Variants in LRP1B observed in about 807,000 individuals in gnomAD.
LRP1B encodes low-density lipoprotein receptor-related protein 1B.
LRP1B carries 217 observed loss-of-function variants against 556.6 expected under a neutral mutation model. The observed-to-expected ratio is 0.39, with a 90% CI of 0.35 to 0.44. The LOEUF (loss-of-function observed/expected upper bound fraction) is 0.44. Ranked by LOEUF, LRP1B falls within the 20% of genes least tolerant of loss-of-function variation. The probability of loss-of-function intolerance (pLI) is 1.00; values close to 1 mark genes in which losing one functional copy is unlikely to be tolerated. For missense variants in LRP1B, 5,053 were observed against 5,620.8 expected (o/e 0.90, Z 3.23); for synonymous variants, 2,047 against 1,865.8 (o/e 1.10, Z -2.50).
chr2:141,545,151 A>G (rs1685506795), intron 2 of LRP1B, among the ~76,000 whole-genome samples: 1 of 152,226 alleles, frequency 6.6e-6, no homozygotes, highest in Non-Finnish European at 1.5e-5. Flanking sequence ...ATCAAAAGCT[A>G]TAATCCTACA....
intron 7 of LRP1B, among the ~76,000 whole-genome samples, chr2:141,140,814 G>A (rs966682217): frequency 2.6e-5 from 4 of 152,010 alleles, no homozygotes; most frequent in African/African-American, 7.3e-5. Flanking sequence ...CGAAAAAACC[G>A]CTAATCTGAT....
At chr2:140,520,966 T>C (rs1285684811) in intron 49 of LRP1B, among the ~76,000 whole-genome samples, 1 of 151,666 alleles carries the variant, frequency 6.6e-6, no homozygotes, top group Non-Finnish European at 1.5e-5. Flanking sequence ...TCCAAAGCTT[T>C]AAGACTGGTC....
At chr2:141,087,711 A>G (rs1700080216) in intron 7 of LRP1B, among the ~76,000 whole-genome samples, 1 of 152,180 alleles carries the variant, frequency 6.6e-6, no homozygotes, top group South Asian at 2.1e-4. Flanking sequence ...AAAACTTTAC[A>G]GCATGATGCT....
At chr2:140,677,563 G>GT (rs780643660) in intron 41 of LRP1B, among the ~76,000 whole-genome samples, 8 of 152,032 alleles carry the variant, frequency 5.3e-5, no homozygotes, top group Non-Finnish European at 1.0e-4. Context: ...ATGAAAATGG[G>GT]TATACACAAA....
intron 30 of LRP1B, among the ~76,000 whole-genome samples, chr2:140,840,506 T>G (rs1000193524): frequency 6.6e-6 from 1 of 152,202 alleles, no homozygotes; most frequent in South Asian, 2.1e-4. Flanking sequence ...TTTAGCTCTA[T>G]GCAAGCTCCC....
At chr2:141,991,697 A>G (rs2105116171) in intron 1 of LRP1B, among the ~76,000 whole-genome samples, 1 of 152,188 alleles carries the variant, frequency 6.6e-6, no homozygotes, top group Admixed American at 6.6e-5. Flanking sequence ...ACATGACTAA[A>G]CTTACATAAG....
chr2:141,734,628 T>A (rs955522981), intron 2 of LRP1B, among the ~76,000 whole-genome samples: 6 of 152,128 alleles, frequency 3.9e-5, no homozygotes, highest in African/African-American at 1.4e-4. Flanking sequence ...TTCTGCGCAT[T>A]TGTATGTAAG....
At chr2:141,472,955 A>G (rs1378334735) in intron 3 of LRP1B, among the ~76,000 whole-genome samples, 1 of 152,168 alleles carries the variant, frequency 6.6e-6, no homozygotes, top group Non-Finnish European at 1.5e-5. Flanking sequence ...CCAATCAACA[A>G]TTAACTATTT....
chr2:141,192,295 A>C (rs1681549928), intron 6 of LRP1B, among the ~76,000 whole-genome samples: 1 of 151,962 alleles, frequency 6.6e-6, no homozygotes, highest in African/African-American at 2.4e-5. Flanking sequence ...AATTACAGGA[A>C]GCTTTTTTCA....
chr2:141,570,608 G>C (rs1179489130), intron 2 of LRP1B, among the ~76,000 whole-genome samples: 1 of 150,918 alleles, frequency 6.6e-6, no homozygotes, highest in Non-Finnish European at 1.5e-5. Flanking sequence ...AGAGGGTGAG[G>C]GGTAGCAGCC....
chr2:142,095,298 T>C (rs1211690035), intron 1 of LRP1B, among the ~76,000 whole-genome samples: 2 of 151,738 alleles, frequency 1.3e-5, no homozygotes, highest in African/African-American at 2.4e-5. Context: ...TTCTAGTTTT[T>C]AAAAAGTCCC....
chr2:140,843,942 A>C lies in LRP1B; in HGVS notation c.4940-2850T>G, dbSNP rs558908413. Among the ~76,000 whole-genome samples, 4 of 152,328 alleles carry C rather than the reference A, an allele frequency of 2.6e-5. No individual in the cohort carries two copies. In the East Asian group the frequency reaches 5.8e-4, roughly 22 times the overall value. On this transcript the variant is annotated intron_variant, in intron 29 of 90. Coordinates refer to ENST00000389484, the MANE Select transcript of LRP1B (RefSeq NM_018557.3). The stretch of plus-strand genomic sequence containing the variant: ...TCAACGTAAATATTTTTAATGAATT[A>C]ATGAATTCATGAACTATAAAATCTA...
chr2:140,614,040 T>C (rs1683173486), intron 41 of LRP1B, among the ~76,000 whole-genome samples: 1 of 152,078 alleles, frequency 6.6e-6, no homozygotes. Context: ...ACTTCGATTA[T>C]TGAAAGCTAG....
At chr2:141,801,084 A>G (rs1695990804) in intron 2 of LRP1B, among the ~76,000 whole-genome samples, 1 of 152,134 alleles carries the variant, frequency 6.6e-6, no homozygotes. Flanking sequence ...TTTACTGTCA[A>G]ATTACATAGG....
rs773682116 is a variant in LRP1B at position 140,867,602 on chromosome 2, G to A, written c.4567C>T (p.Arg1523Cys). Residue 1523 changes from arginine (R) to cysteine (C), a missense_variant, in exon 27 of 91, where the codon CGC becomes TGC. By Grantham distance (180) the Arg-to-Cys change is radical (BLOSUM62 -3). This residue lies in a region of LRP1B where 3,619 missense variants were observed against 3,931.9 expected (regional missense o/e 0.92). Transcript: ENST00000389484. The stretch of plus-strand genomic sequence containing the variant: ...AACAAGCACTTACCCTGTGGCTGGC[G>A]ACTGGGATGGTATATCTGAAGGTCA... ...PFDLQIYHPS[R>C]QPQAPNPCAA... The A allele has an allele frequency of 3.7e-6, 6 of 1,612,116 alleles. No homozygotes were observed. The highest frequency in any genetic ancestry group is 1.7e-5 in the Admixed American group (1 of 59,842).
At chr2:141,383,945 A>G (rs1689735623) in intron 3 of LRP1B, among the ~76,000 whole-genome samples, 1 of 152,168 alleles carries the variant, frequency 6.6e-6, no homozygotes, top group African/African-American at 2.4e-5. Context: ...CAGCATAGTG[A>G]TTATAATTAA....
At chr2:141,527,706 C>T (rs1355142157) in intron 2 of LRP1B, among the ~76,000 whole-genome samples, 5 of 152,034 alleles carry the variant, frequency 3.3e-5, no homozygotes, top group African/African-American at 1.2e-4. Context: ...ATGCTATACA[C>T]TAATACTAGT....
At chr2:141,846,413 AT>A (rs1244516063) in intron 1 of LRP1B, among the ~76,000 whole-genome samples, 3 of 151,572 alleles carry the variant, frequency 2.0e-5, no homozygotes, top group Non-Finnish European at 4.4e-5. Flanking sequence ...ACTTCACAAA[AT>A]TCCCAAGATT....
intron 32 of LRP1B, among the ~76,000 whole-genome samples, chr2:140,808,548 T>C (rs557062802): frequency 6.6e-6 from 1 of 152,296 alleles, no homozygotes; most frequent in South Asian, 2.1e-4. Context: ...CTATTTTCCC[T>C]GATCTGCTAT....
Sources: gnomAD v4.1 joint callset for allele counts (sites outside exome capture counted in the v4.1 genomes callset) on GRCh38, gnomAD v4.1.1 for gene constraint, gnomAD v4.1.1 regional missense constraint, MANE v1.5 for transcripts, NCBI Gene and HGNC (gene_info 2026-07-23, HGNC 2026-07-21) for gene names.